The following KCNK10 variants were observed in gnomAD, a reference collection of about 807,000 sequenced individuals.
KCNK10 encodes potassium channel subfamily K member 10.
KCNK10 carries 25 observed loss-of-function variants against 47.7 expected under a neutral mutation model. The ratio of observed to expected loss-of-function variants is 0.52; its 90% confidence interval spans 0.38 to 0.73. The LOEUF (loss-of-function observed/expected upper bound fraction) is 0.73, where lower values mean the gene tolerates loss of function less well. KCNK10 is among the 30% of genes least tolerant of loss of function. KCNK10 has a pLI of 0.00. For missense variants in KCNK10, 563 were observed against 714.5 expected, an observed-to-expected ratio of 0.79 and a Z score of 2.42; for synonymous variants, 303 against 285.6, an observed-to-expected ratio of 1.06 and a Z score of -0.61.
chr14:88,247,545 G>A (rs1385676375), intron 2 of KCNK10, among the ~76,000 whole-genome samples: 1 of 152,220 alleles, frequency 6.6e-6, no homozygotes, highest in African/African-American at 2.4e-5. Flanking sequence ...TCCTCAGGGA[G>A]CCAGGCAGCA....
At chr14:88,203,898 C>T (rs530290487) in intron 4 of KCNK10, among the ~76,000 whole-genome samples, 6 of 152,150 alleles carry the variant, frequency 3.9e-5, no homozygotes, top group Non-Finnish European at 8.8e-5. Flanking sequence ...GGCAGGGAAA[C>T]TTGGACAGGG....
At chr14:88,288,637 A>G (rs965749353) in intron 1 of KCNK10, among the ~76,000 whole-genome samples, 1 of 152,064 alleles carries the variant, frequency 6.6e-6, no homozygotes, top group Non-Finnish European at 1.5e-5. Flanking sequence ...TCCCTGAGGA[A>G]CCTCCAAACT....
intron 2 of KCNK10, among the ~76,000 whole-genome samples, chr14:88,244,391 G>A (rs1166307190): frequency 3.9e-5 from 6 of 152,026 alleles, no homozygotes; most frequent in South Asian, 2.1e-4. Flanking sequence ...TTTCTCAGCC[G>A]GGCACGGTGG....
chr14:88,300,626 T>C (rs1164382745), intron 1 of KCNK10, among the ~76,000 whole-genome samples: 2 of 152,206 alleles, frequency 1.3e-5, no homozygotes, highest in Non-Finnish European at 2.9e-5. Context: ...AGTGGGGTTC[T>C]TACTGCACTC....
chr14:88,326,634 C>T, upstream of KCNK10: 1 of 587,922 alleles, frequency 1.7e-6, no homozygotes, highest in Non-Finnish European at 3.0e-6. Context: ...GCAGGAGACC[C>T]GGGCTGGCGG....
upstream of KCNK10, chr14:88,323,668 G>C (rs1270983475): frequency 6.6e-6 from 1 of 151,332 alleles, no homozygotes; most frequent in Non-Finnish European, 1.5e-5. Context: ...GCCGGCGGGC[G>C]GGCGTGGAGG....
intron 1 of KCNK10, among the ~76,000 whole-genome samples, chr14:88,315,305 A>C (rs985926136): frequency 6.6e-6 from 1 of 152,208 alleles, no homozygotes; most frequent in Non-Finnish European, 1.5e-5. Context: ...GTTAGTCCAC[A>C]GTTAACATGG....
chr14:88,215,382 A>G (rs948951602), intron 4 of KCNK10, among the ~76,000 whole-genome samples: 5 of 152,210 alleles, frequency 3.3e-5, no homozygotes, highest in African/African-American at 4.8e-5. Flanking sequence ...AAAGCCCCTT[A>G]TAAAACCATC....
At chr14:88,189,248 C>T (rs1354675704) in intron 5 of KCNK10, among the ~76,000 whole-genome samples, 1 of 152,200 alleles carries the variant, frequency 6.6e-6, no homozygotes, top group Non-Finnish European at 1.5e-5. Flanking sequence ...CCATGAGGCT[C>T]GACAGCTGCT....
chr14:88,286,935 C>A lies in KCNK10; in HGVS notation c.53-23384G>T, dbSNP rs1303511168. 2.0e-5 allele frequency among the ~76,000 whole-genome samples: 3 copies of A among 152,078 alleles called. No homozygotes were observed. The East Asian group carries it at 5.8e-4, about 29-fold the overall frequency. Reference sequence around the variant, plus strand: ...CTACTCTTCCATCTATTGAGGTGCACCCTACGGAGAAAATAAAATAGTAAC... The same window carrying A: ...CTACTCTTCCATCTATTGAGGTGCAACCTACGGAGAAAATAAAATAGTAAC... On this transcript the variant is annotated intron_variant, in intron 1 of 6. Transcript: ENST00000319231.
chr14:88,256,044 T>C (rs1262039446), intron 2 of KCNK10, among the ~76,000 whole-genome samples: 1 of 152,162 alleles, frequency 6.6e-6, no homozygotes, highest in East Asian at 1.9e-4. Flanking sequence ...GCACACTCCC[T>C]CACATCTCAG....
intron 1 of KCNK10, among the ~76,000 whole-genome samples, chr14:88,299,050 T>C (rs1371841801): frequency 1.3e-5 from 2 of 152,204 alleles, no homozygotes; most frequent in Non-Finnish European, 2.9e-5. Context: ...AAGCTGGCTA[T>C]AAACTCTTCC....
chr14:88,277,301 A>T (rs1024832421), intron 1 of KCNK10, among the ~76,000 whole-genome samples: 6 of 152,154 alleles, frequency 3.9e-5, no homozygotes, highest in African/African-American at 1.4e-4. Context: ...GGGAGAAAAC[A>T]GTTTCTACAA....
At chr14:88,324,742 G>C (rs1004409290), upstream of KCNK10, among the ~76,000 whole-genome samples, 2 of 152,176 alleles carry the variant, frequency 1.3e-5, no homozygotes, top group African/African-American at 4.8e-5. Context: ...TGATCTCTAA[G>C]TTGCATGCTA....
intron 4 of KCNK10, among the ~76,000 whole-genome samples, chr14:88,203,191 C>T (rs1885157970): frequency 6.6e-6 from 1 of 151,992 alleles, no homozygotes; most frequent in African/African-American, 2.4e-5. Context: ...GGGCCACCGC[C>T]CTGTATATGC....
intron 4 of KCNK10, among the ~76,000 whole-genome samples, chr14:88,207,416 C>T (rs891086153): frequency 8.5e-5 from 13 of 152,100 alleles, no homozygotes; most frequent in Non-Finnish European, 2.9e-5. Flanking sequence ...CCTCATGATC[C>T]GCCCGCCTCA....
rs746703626 is a variant in KCNK10 at position 88,199,955 on chromosome 14, G to GTTTC, written c.682-7549_682-7546dup. ...TAAACAACGCCCTTCCCAATAGACAGTTTCTTTCTTTCTTTCTCTTTCTTT... is the reference window on the plus strand; with the variant it reads ...TAAACAACGCCCTTCCCAATAGACAGTTTCTTTCTTTCTTTCTTTCTCTTTCTTT... On this transcript the variant is annotated intron_variant, in intron 4 of 6. Transcript: ENST00000319231. Among the ~76,000 whole-genome samples, 558 of 152,166 alleles carry GTTTC rather than the reference G, an allele frequency of 3.7e-3. 7 individuals are homozygous for GTTTC. Among genetic ancestry groups the GTTTC allele is most frequent in the African/African-American group, 0.012 (505 of 41,528 alleles).
intron 4 of KCNK10, among the ~76,000 whole-genome samples, chr14:88,197,010 T>C (rs1214891656): frequency 6.6e-6 from 1 of 152,022 alleles, no homozygotes; most frequent in Non-Finnish European, 1.5e-5. Flanking sequence ...CACACATCAG[T>C]GAGAATAGTG....
chr14:88,239,453 A>C (rs1886389403), intron 3 of KCNK10, among the ~76,000 whole-genome samples: 1 of 152,184 alleles, frequency 6.6e-6, no homozygotes, highest in Admixed American at 6.5e-5. Context: ...GTCCACCAAA[A>C]CTTTGTGTTG....
Sources: allele counts gnomAD v4.1 joint callset (sites outside exome capture counted in the v4.1 genomes callset), GRCh38; gene constraint gnomAD v4.1.1; transcripts MANE v1.5; gene names NCBI Gene and HGNC (gene_info 2026-07-23, HGNC 2026-07-21).